The following GUCY2C variants were observed in gnomAD, a reference collection of about 807,000 sequenced individuals.
The protein encoded by GUCY2C is guanylyl cyclase C.
In GUCY2C, 118 loss-of-function variants were observed where a neutral mutation model predicts 131.1. The ratio of observed to expected loss-of-function variants is 0.90; its 90% CI spans 0.78 to 1.05. GUCY2C has a LOEUF of 1.05. Ranked by LOEUF, GUCY2C falls within the 50% of genes least tolerant of loss-of-function variation. The pLI, the probability that GUCY2C is intolerant of heterozygous loss-of-function variation, is 0.00. For missense variants in GUCY2C, 1,161 were observed against 1,304.4 expected, an observed-to-expected ratio of 0.89 and a Z score of 1.69; for synonymous variants, 452 against 457.8, an observed-to-expected ratio of 0.99 and a Z score of 0.16.
intron 9 of GUCY2C, among the ~76,000 whole-genome samples, chr12:14,671,192 C>A (rs545844929): frequency 6.6e-6 from 1 of 152,186 alleles, no homozygotes; most frequent in East Asian, 1.9e-4. Flanking sequence ...ATGTTCTGGA[C>A]AGCAAAGTTA....
chr12:14,643,616 T>A lies in GUCY2C; in HGVS notation c.1888A>T (p.Ile630Phe), dbSNP rs1382077344. 6 of 1,613,698 alleles carry A rather than the reference T, an allele frequency of 3.7e-6. No homozygotes were observed. The highest frequency in any genetic ancestry group is 5.1e-6 in the Non-Finnish European group (6 of 1,179,700). Reference sequence around the variant, plus strand: ...ATGGAATTGCAGCCAAAATCAGTGATCTTCACCACCATTCTACTGTCCACT... The same window carrying A: ...ATGGAATTGCAGCCAAAATCAGTGAACTTCACCACCATTCTACTGTCCACT... ...CVVDSRMVVK[I>F]TDFGCNSILP... is the part of the protein sequence containing the mutation. The change falls in exon 17 of 27, where the codon ATC (isoleucine) becomes TTC (phenylalanine). Residue 630 changes from isoleucine to phenylalanine, a missense_variant. Physicochemically the swap from Ile to Phe is conservative, Grantham distance 21. Coordinates refer to ENST00000261170, the MANE Select transcript of GUCY2C (RefSeq NM_004963.4).
intron 3 of GUCY2C, 85 bp from the exon 4 acceptor site, chr12:14,683,342 A>G: frequency 1.3e-6 from 1 of 793,974 alleles, no homozygotes. Context: ...CTGTTTCAGC[A>G]TGTATGTATA....
chr12:14,660,001 G>T (rs1359930243), intron 11 of GUCY2C, among the ~76,000 whole-genome samples: 1 of 152,164 alleles, frequency 6.6e-6, no homozygotes, highest in Non-Finnish European at 1.5e-5. Context: ...TTCACTAAAT[G>T]GTCACCACAC....
At position 14,653,003 on chromosome 12, in the gene GUCY2C, G is replaced by C; in HGVS notation, c.1482C>G (p.Asp494Glu). The stretch of plus-strand genomic sequence containing the variant: ...GTCTCTGGATTGTATCTCGTCTTTT[G>C]TCATCATCGATCTGGCACAAGAAAA... ...TNHVSLKIDDDKRRDTIQRLR... is the reference protein window; with the variant it reads ...TNHVSLKIDDEKRRDTIQRLR... The change falls in exon 13 of 27, where the codon GAC becomes GAG. Residue 494 changes from aspartate (D) to glutamate (E), a missense_variant. Transcript: ENST00000261170. The C allele has an allele frequency of 6.2e-7, 1 of 1,610,646 alleles. No homozygotes were observed. Among genetic ancestry groups the C allele is most frequent in the Non-Finnish European group, 8.5e-7 (1 of 1,176,820 alleles).
chr12:14,685,285 G>A (rs2137099726), intron 3 of GUCY2C, among the ~76,000 whole-genome samples: 1 of 152,290 alleles, frequency 6.6e-6, no homozygotes, highest in South Asian at 2.1e-4. Context: ...ATTTTGGTAT[G>A]GAAGAGAAGC....
chr12:14,666,930 C>G (rs1947993553), intron 10 of GUCY2C, among the ~76,000 whole-genome samples: 1 of 152,064 alleles, frequency 6.6e-6, no homozygotes, highest in African/African-American at 2.4e-5. Flanking sequence ...TTAACTGAGG[C>G]TGAAGTAAAG....
Position 14,661,441 on chromosome 12 carries a change from AT to A in GUCY2C, c.1283-380del, listed in dbSNP as rs900510399. On this transcript the variant is annotated intron_variant, in intron 10 of 26. Transcript: ENST00000261170. Reference sequence around the variant, plus strand: ...AGGGTTCATAGAGGATGAGACATGTATTTTTTTTTCTTTTTGAGACAGAGTT... The same window carrying A: ...AGGGTTCATAGAGGATGAGACATGTATTTTTTTTCTTTTTGAGACAGAGTT... Among the ~76,000 whole-genome samples the A allele has an allele frequency of 3.3e-5, 5 of 151,050 alleles. No individual in the cohort carries two copies. The East Asian group carries it at 5.8e-4, about 18-fold the overall frequency.
At chr12:14,675,980 A>C (rs1446332271) in intron 7 of GUCY2C, among the ~76,000 whole-genome samples, 1 of 152,208 alleles carries the variant, frequency 6.6e-6, no homozygotes, top group African/African-American at 2.4e-5. Context: ...CACGGTCGTA[A>C]ATGAGAGGAC....
Position 14,622,146 on chromosome 12 carries a change from A to G in GUCY2C, c.2460T>C (p.Tyr820=). 6.3e-7 allele frequency: 1 copy of G among 1,599,078 alleles called. No individual in the cohort carries two copies. The highest frequency in any genetic ancestry group is 1.1e-5 in the South Asian group (1 of 87,994). The change falls in exon 22 of 27, where the codon TAT becomes TAC. Residue 820 remains tyrosine, a synonymous_variant. Transcript: ENST00000261170. Reference sequence around the variant, plus strand: ...CACTGAAGTAGATTGTAACTTCCTCATATAGTTCCGGCTCCACAAAGCCTT... The same window carrying G: ...CACTGAAGTAGATTGTAACTTCCTCGTATAGTTCCGGCTCCACAAAGCCTT... The part of the protein sequence containing the change: ...KEKGFVEPEL[Y]EEVTIYFSDI...
chr12:14,641,014 G>A, intron 18 of GUCY2C, 68 bp downstream of exon 18: 1 of 1,424,098 alleles, frequency 7.0e-7, no homozygotes, highest in Non-Finnish European at 9.9e-7. Flanking sequence ...ACAGATTAGG[G>A]TCTCAGTAAG....
intron 6 of GUCY2C, among the ~76,000 whole-genome samples, chr12:14,679,236 T>C (rs940908674): frequency 1.3e-4 from 20 of 152,176 alleles, no homozygotes; most frequent in Non-Finnish European, 2.8e-4. Context: ...TTTCTTTCTT[T>C]TTTTCTTTTA....
At position 14,622,330 on chromosome 12, in the gene GUCY2C, C is replaced by A. The variant is rs547853595; in HGVS notation, c.2409-133G>T. On this transcript the variant is annotated intron_variant, in intron 21 of 26. Coordinates refer to ENST00000261170, the MANE Select transcript of GUCY2C (RefSeq NM_004963.4). ...GAGACTTCCAGTGAATTGAGTGAAT[C>A]GGAAACAGAGGTTGTGTATATCATA... The A allele has an allele frequency of 7.0e-6, 4 of 575,132 alleles. No individual in the cohort carries two copies. The South Asian group carries it at 1.0e-4, about 15-fold the overall frequency. The allele number at this position is 575,132 out of a possible 1,614,324, so 35.6% of individuals were successfully genotyped here.
chr12:14,631,297 T>A (rs945796879), intron 19 of GUCY2C, among the ~76,000 whole-genome samples: 1 of 152,198 alleles, frequency 6.6e-6, no homozygotes, highest in Admixed American at 6.5e-5. Flanking sequence ...TAGTTACATA[T>A]GTATACATGT....
At chr12:14,633,435 T>C (rs887533727) in intron 19 of GUCY2C, among the ~76,000 whole-genome samples, 1 of 151,974 alleles carries the variant, frequency 6.6e-6, no homozygotes, top group Non-Finnish European at 1.5e-5. Flanking sequence ...TGAAAGCAAA[T>C]GTTAAAATTT....
chr12:14,683,394 T>A, intron 3 of GUCY2C, 137 bp from the exon 4 acceptor site: 1 of 618,500 alleles, frequency 1.6e-6, no homozygotes, highest in Admixed American at 2.9e-5. Context: ...AGGTTTCTCA[T>A]GTATATAGGT....
intron 11 of GUCY2C, among the ~76,000 whole-genome samples, chr12:14,656,871 A>C (rs1037285942): frequency 1.3e-5 from 2 of 152,212 alleles, no homozygotes; most frequent in Non-Finnish European, 2.9e-5. Context: ...CCTGGAAGAC[A>C]ATGTTTCCAT....
intron 1 of GUCY2C, among the ~76,000 whole-genome samples, chr12:14,690,531 T>C (rs2137110233): frequency 6.6e-6 from 1 of 151,480 alleles, no homozygotes; most frequent in African/African-American, 2.5e-5. Context: ...GCAGGGATGT[T>C]CTTTTTTTTT....
intron 18 of GUCY2C, among the ~76,000 whole-genome samples, chr12:14,640,462 C>CAAAAAA (rs3083859): frequency 8.7e-6 from 1 of 114,572 alleles, no homozygotes; most frequent in Non-Finnish European, 1.9e-5. Context: ...GACACTGTCT[C>CAAAAAA]AAAAAAAAAA....
Position 14,652,149 on chromosome 12 carries a change from T to A in GUCY2C, c.1534-119A>T, listed in dbSNP as rs1005603775. The A allele has an allele frequency of 1.3e-5, 5 of 381,390 alleles. No homozygotes were observed. The East Asian group carries it at 2.1e-4, about 16-fold the overall frequency. 23.6% of individuals were successfully genotyped at this position (381,390 alleles called of 1,614,324 possible). On this transcript the variant is annotated intron_variant, in intron 13 of 26. Transcript: ENST00000261170. Reference sequence around the variant, plus strand: ...AAACTTTTGAGAGCAGTGACAGTATTTGATTGATTTTTTATATTTATTTAT... The same window carrying A: ...AAACTTTTGAGAGCAGTGACAGTATATGATTGATTTTTTATATTTATTTAT...
Sources: gnomAD v4.1 joint callset for allele counts (sites outside exome capture counted in the v4.1 genomes callset) on GRCh38, gnomAD v4.1.1 for gene constraint, MANE v1.5 for transcripts, NCBI Gene and HGNC (gene_info 2026-07-23, HGNC 2026-07-21) for gene names.